WFDC3: variants seen among roughly 807,000 people sequenced by gnomAD.
WFDC3 encodes WAP four-disulfide core domain 3.
Under a neutral mutation model 25.8 loss-of-function variants are expected in WFDC3, and 15 were observed. The ratio of observed to expected loss-of-function variants is 0.58; its 90% CI spans 0.39 to 0.89. The LOEUF (loss-of-function observed/expected upper bound fraction) is 0.89, where lower values mean the gene tolerates loss of function less well. Among genes scored for constraint, WFDC3 ranks in the 40% least tolerant of loss-of-function variants. The pLI is 0.00. For synonymous variants in WFDC3, 103 were observed against 107.1 expected, an observed-to-expected ratio of 0.96 and a Z score of 0.24; for missense variants, 264 against 289.8, an observed-to-expected ratio of 0.91 and a Z score of 0.65.
chr20:45,786,686 C>T (rs913533438), intron 4 of WFDC3, among the ~76,000 whole-genome samples: 2 of 152,106 alleles, frequency 1.3e-5, no homozygotes, highest in African/African-American at 4.8e-5. Context: ...CACTGGGACT[C>T]TGCAAAAGGG....
At chr20:45,776,677 CAACT>C (rs1185338338) in intron 5 of WFDC3, among the ~76,000 whole-genome samples, 1 of 119,776 alleles carries the variant, frequency 8.3e-6, no homozygotes, top group Non-Finnish European at 1.7e-5. Context: ...TGTGTGTTTC[CAACT>C]AAGATTTCAT....
chr20:45,779,672 A>G (rs898952310), intron 4 of WFDC3, among the ~76,000 whole-genome samples: 3 of 152,126 alleles, frequency 2.0e-5, no homozygotes, highest in African/African-American at 7.2e-5. Context: ...TCCCTGGTGG[A>G]AAAACCCGGT....
chr20:45,787,727 G>C, intron 4 of WFDC3, 109 bp downstream of exon 4: 2 of 1,254,618 alleles, frequency 1.6e-6, no homozygotes, highest in Non-Finnish European at 2.1e-6. Context: ...TTTTTTTTAA[G>C]GTCTTAGAAT....
chr20:45,783,997 C>G (rs1364792592), intron 4 of WFDC3, among the ~76,000 whole-genome samples: 1 of 152,222 alleles, frequency 6.6e-6, no homozygotes, highest in African/African-American at 2.4e-5. Context: ...CTATTCTAGC[C>G]TGCCTGCCAA....
In WFDC3 at chr20:45,781,682, A is replaced by T. The variant is rs112517580; in HGVS notation, c.359-4473T>A. ...AAACTCATTAGACACTCACTGTGAAAGTTCTCTACTGGGGGCTGGTCACTT... is the reference window on the plus strand; with the variant it reads ...AAACTCATTAGACACTCACTGTGAATGTTCTCTACTGGGGGCTGGTCACTT... On this transcript the variant is annotated intron_variant, in intron 4 of 6. Coordinates refer to ENST00000243938, the MANE Select transcript of WFDC3 (RefSeq NM_080614.2). Among the ~76,000 whole-genome samples the T allele has an allele frequency of 3.1e-3, 470 of 152,308 alleles. 4 individuals are homozygous for T. Among genetic ancestry groups the T allele is most frequent in the African/African-American group, 0.011 (455 of 41,574 alleles).
At chr20:45,774,845 G>A (rs1980058349) in intron 6 of WFDC3, among the ~76,000 whole-genome samples, 1 of 151,948 alleles carries the variant, frequency 6.6e-6, no homozygotes, top group African/African-American at 2.4e-5. Flanking sequence ...GGGAGGCTGA[G>A]GCAGGAGAAT....
intron 4 of WFDC3, among the ~76,000 whole-genome samples, chr20:45,778,114 C>T (rs1239273053): frequency 1.3e-5 from 2 of 152,178 alleles, no homozygotes; most frequent in Non-Finnish European, 2.9e-5. Flanking sequence ...CACTAGCATA[C>T]TGGGGCTTGT....
chr20:45,790,356 G>A (rs549404922), intron 1 of WFDC3, among the ~76,000 whole-genome samples: 1 of 152,254 alleles, frequency 6.6e-6, no homozygotes, highest in South Asian at 2.1e-4. Flanking sequence ...AATAACAGAG[G>A]GAGGGATTCA....
chr20:45,777,195 C>G lies in WFDC3; in HGVS notation c.373G>C (p.Glu125Gln). 6.4e-7 allele frequency: 1 copy of G among 1,565,400 alleles called. No individual in the cohort carries two copies. The highest frequency in any genetic ancestry group is 8.6e-7 in the Non-Finnish European group (1 of 1,156,484). ...CACGGAAGGGGGTCAGCGGGACATTCACCACCAAACTCTGCTACATAATCA... is the reference window on the plus strand; with the variant it reads ...CACGGAAGGGGGTCAGCGGGACATTGACCACCAAACTCTGCTACATAATCA... ...SKQKLAEFGG[E>Q]CPADPLPCEE... The change falls in exon 5 of 7, where the codon GAA (glutamate) becomes CAA (glutamine). Residue 125 changes from glutamate to glutamine, a missense_variant. Coordinates refer to ENST00000243938, the MANE Select transcript of WFDC3 (RefSeq NM_080614.2).
chr20:45,775,373 A>G, intron 6 of WFDC3, 44 bp downstream of exon 6: 1 of 1,598,316 alleles, frequency 6.3e-7, no homozygotes, highest in East Asian at 2.2e-5. Flanking sequence ...TGCTTTGCAC[A>G]TAGCAGTTGT....
At chr20:45,788,826 G>A (rs1980804774) in intron 3 of WFDC3, 105 bp downstream of exon 3, 2 of 1,461,390 alleles carry the variant, frequency 1.4e-6, no homozygotes, top group Non-Finnish European at 1.8e-6. Context: ...CTAGGCAAGG[G>A]AGACTTCCAG....
At chr20:45,787,778 T>G (rs1339577439) in intron 4 of WFDC3, 58 bp downstream of exon 4, 10 of 1,546,800 alleles carry the variant, frequency 6.5e-6, no homozygotes, top group Non-Finnish European at 7.8e-6. Context: ...ATGTGCATAT[T>G]TGAGAAATAA....
At position 45,776,638 on chromosome 20, in the gene WFDC3, ATATAT is replaced by A. The variant is rs1568697473; in HGVS notation, c.493+432_493+436del. On this transcript the variant is annotated intron_variant, in intron 5 of 6. Transcript: ENST00000243938. ...GAAAAAAAAGAAAAAAAAAAAAAATATATATATATATATATATATATATGTGTGTG... is the reference window on the plus strand; with the variant it reads ...GAAAAAAAAGAAAAAAAAAAAAAATAATATATATATATATATATGTGTGTG... Among the ~76,000 whole-genome samples, 407 of 69,448 alleles carry A rather than the reference ATATAT, an allele frequency of 5.9e-3. 3 individuals are homozygous for A. Among genetic ancestry groups the A allele is most frequent in the South Asian group, 0.019 (32 of 1,716 alleles). 45.6% of individuals were successfully genotyped at this position (69,448 alleles called of 152,430 possible).
At position 45,775,532 on chromosome 20, in the gene WFDC3, A is replaced by G. The variant is rs1980099326; in HGVS notation, c.564T>C (p.Cys188=). 6.2e-7 allele frequency: 1 copy of G among 1,614,206 alleles called. No homozygotes were observed. Among genetic ancestry groups the G allele is most frequent in the South Asian group, 1.1e-5 (1 of 91,086 alleles). ...CIVGCVMDEN[C]QAGEKCCKSG... Reference sequence around the variant, plus strand: ...ACTTGCAACATTTTTCTCCAGCTTGACAATTCTCATCCATCACACAGCCAA... The same window carrying G: ...ACTTGCAACATTTTTCTCCAGCTTGGCAATTCTCATCCATCACACAGCCAA... Residue 188 remains cysteine, a synonymous_variant, in exon 6 of 7, where the codon TGT becomes TGC. Transcript: ENST00000243938.
chr20:45,784,903 T>C (rs1339639099), intron 4 of WFDC3, among the ~76,000 whole-genome samples: 1 of 152,174 alleles, frequency 6.6e-6, no homozygotes, highest in Non-Finnish European at 1.5e-5. Flanking sequence ...AGGCTCAAAA[T>C]TACTTGCCCA....
At chr20:45,790,973 T>C (rs1375095854) in intron 1 of WFDC3, 2 of 468,514 alleles carry the variant, frequency 4.3e-6, no homozygotes, top group African/African-American at 4.0e-5. Context: ...TCTTTATCTG[T>C]CCTGGTCATG....
chr20:45,774,342 G>T lies in WFDC3; in HGVS notation c.*86C>A. ...GAGGGCCATGAGTGCCCCTGGAAAT[G>T]TCACAAGCCCCAGGATGTCACCCTC... On this transcript the variant is annotated 3_prime_UTR_variant, in exon 7 of 7. Transcript: ENST00000243938. The T allele has an allele frequency of 3.1e-6, 5 of 1,588,666 alleles. No homozygotes were observed. The highest frequency in any genetic ancestry group is 4.3e-6 in the Non-Finnish European group (5 of 1,157,174).
chr20:45,789,104 A>G (rs1980823552), intron 2 of WFDC3, 45 bp from the exon 3 acceptor site: 1 of 1,607,102 alleles, frequency 6.2e-7, no homozygotes, highest in African/African-American at 1.3e-5. Context: ...GCCAGGCCTC[A>G]GAAATGGGGA....
chr20:45,787,914 T>C lies in WFDC3; in HGVS notation c.280A>G (p.Thr94Ala). 6.2e-7 allele frequency: 1 copy of C among 1,614,150 alleles called. No individual in the cohort carries two copies. The highest frequency in any genetic ancestry group is 8.5e-7 in the Non-Finnish European group (1 of 1,180,018). Reference protein sequence around the residue: ...SCLKRCITDETCPGVKKCCTL... With the variant: ...SCLKRCITDEACPGVKKCCTL... ...CAGCATTTCTTTACACCTGGACATGTCTCATCAGTGATGCACCTTTTCAAA... is the reference window on the plus strand; with the variant it reads ...CAGCATTTCTTTACACCTGGACATGCCTCATCAGTGATGCACCTTTTCAAA... The change falls in exon 4 of 7, where the codon ACA (threonine) becomes GCA (alanine). Residue 94 changes from threonine (T) to alanine (A), a missense_variant. By Grantham distance (58) the Thr-to-Ala change is moderately conservative. Coordinates refer to ENST00000243938, the MANE Select transcript of WFDC3 (RefSeq NM_080614.2).
Sources: allele counts gnomAD v4.1 joint callset (sites outside exome capture counted in the v4.1 genomes callset), GRCh38; gene constraint gnomAD v4.1.1; transcripts MANE v1.5; gene names NCBI Gene and HGNC (gene_info 2026-07-23, HGNC 2026-07-21).